Variants in TADA2A observed in about 807,000 individuals in gnomAD.
The protein encoded by TADA2A is transcriptional adapter 2-alpha.
Under a neutral mutation model 67.4 loss-of-function variants are expected in TADA2A, and 38 were observed. The ratio of observed to expected loss-of-function variants is 0.56; its 90% CI spans 0.44 to 0.74. The LOEUF (loss-of-function observed/expected upper bound fraction) is 0.74, where lower values mean the gene tolerates loss of function less well. Ranked by LOEUF, TADA2A falls within the 30% of genes least tolerant of loss-of-function variation. The pLI, the probability that TADA2A is intolerant of heterozygous loss-of-function variation, is 0.00. For synonymous variants in TADA2A, 192 were observed against 181.6 expected, an observed-to-expected ratio of 1.06 and a Z score of -0.46; for missense variants, 454 against 547.0, an observed-to-expected ratio of 0.83 and a Z score of 1.70.
chr17:37,422,737 G>T (rs1408392381), intron 2 of TADA2A, among the ~76,000 whole-genome samples: 2 of 151,914 alleles, frequency 1.3e-5, no homozygotes, highest in African/African-American at 4.8e-5. Flanking sequence ...TCTGGCCTCA[G>T]GTAATGCACC....
In TADA2A at chr17:37,446,087, G is replaced by GTT. The variant is rs1178704173; in HGVS notation, c.604+1327_604+1328dup. Among the ~76,000 whole-genome samples, 1,179 of 122,058 alleles carry GTT rather than the reference G, an allele frequency of 9.7e-3. 17 individuals carry two copies. The highest frequency in any genetic ancestry group is 0.033 in the African/African-American group (1,116 of 33,332). 80.1% of individuals were successfully genotyped at this position (122,058 alleles called of 152,430 possible). On this transcript the variant is annotated intron_variant, in intron 8 of 15. Coordinates refer to ENST00000615182, the MANE Select transcript of TADA2A (RefSeq NM_001166105.3). ...TCTCTACACATTTCTTGAGCGGTGG[G>GTT]TTTTTTTTTGGGGGGGTTTTTTTTT...
chr17:37,465,509 T>C lies in TADA2A; in HGVS notation c.791T>C (p.Val264Ala). 1 of 1,614,122 alleles carries C rather than the reference T, an allele frequency of 6.2e-7. No homozygotes were observed. The highest frequency in any genetic ancestry group is 1.1e-5 in the South Asian group (1 of 91,076). ...MRRFARIVGP[V>A]EHDKFIESHA... ...CGATTTGCAAGAATTGTGGGGCCAG[T>C]GGAACATGACAAATTCATTGAAAGC... The change falls in exon 11 of 16, where the codon GTG (valine) becomes GCG (alanine). Residue 264 changes from valine (V) to alanine (A), a missense_variant. By Grantham distance (64) the Val-to-Ala change is moderately conservative. This residue lies in a region of TADA2A where 403 missense variants were observed against 455.5 expected (regional missense o/e 0.88). Transcript: ENST00000615182.
chr17:37,459,743 C>T (rs937134694), intron 9 of TADA2A, among the ~76,000 whole-genome samples: 24 of 152,062 alleles, frequency 1.6e-4, no homozygotes, highest in Admixed American at 1.4e-3. Flanking sequence ...CAGGTGCGCA[C>T]CACCACACTT....
intron 1 of TADA2A, among the ~76,000 whole-genome samples, chr17:37,409,741 T>G (rs948162497): frequency 6.7e-6 from 1 of 148,422 alleles, no homozygotes; most frequent in Non-Finnish European, 1.5e-5. Context: ...CATTCCAGCC[T>G]AGGCAACGAG....
At chr17:37,411,919 A>T (rs2051886410) in intron 2 of TADA2A, among the ~76,000 whole-genome samples, 1 of 151,764 alleles carries the variant, frequency 6.6e-6, no homozygotes, top group Non-Finnish European at 1.5e-5. Flanking sequence ...GTCTTACAAG[A>T]AAATGAAGCA....
intron 15 of TADA2A, among the ~76,000 whole-genome samples, chr17:37,474,935 A>G (rs891396834): frequency 6.6e-6 from 1 of 152,210 alleles, no homozygotes; most frequent in Non-Finnish European, 1.5e-5. Context: ...TGAGTGCTTT[A>G]TGTAAATAAA....
chr17:37,467,996 C>T (rs772884838), intron 12 of TADA2A, among the ~76,000 whole-genome samples: 13 of 151,796 alleles, frequency 8.6e-5, no homozygotes, highest in African/African-American at 2.7e-4. Context: ...GCACAAGAAT[C>T]GCTTGAACCT....
At chr17:37,446,175 C>G (rs1208997423) in intron 8 of TADA2A, among the ~76,000 whole-genome samples, 1 of 148,222 alleles carries the variant, frequency 6.7e-6, no homozygotes, top group Non-Finnish European at 1.5e-5. Flanking sequence ...GTCAAAGTGA[C>G]GCAGATTGAA....
chr17:37,458,086 C>T (rs2053444784), intron 8 of TADA2A, among the ~76,000 whole-genome samples: 1 of 152,206 alleles, frequency 6.6e-6, no homozygotes, highest in Admixed American at 6.5e-5. Context: ...CCACCCTCCA[C>T]CCTCTGATAG....
intron 14 of TADA2A, among the ~76,000 whole-genome samples, chr17:37,473,105 G>A (rs60112577): frequency 0.2 from 29,405 of 147,098 alleles, 3,375 homozygotes; most frequent in East Asian, 0.54. Flanking sequence ...GACTACAGGT[G>A]AATGCCACCA....
At chr17:37,474,781 A>C in intron 15 of TADA2A, 152 bp downstream of exon 15, 1 of 847,360 alleles carries the variant, frequency 1.2e-6, no homozygotes, top group Non-Finnish European at 1.8e-6. Context: ...CCAAGAGCTA[A>C]AGAGCCGTTT....
chr17:37,458,638 TGTGTGTG>T, intron 9 of TADA2A, 51 bp downstream of exon 9: 3 of 199,294 alleles, frequency 1.5e-5, no homozygotes, highest in Non-Finnish European at 2.1e-5. Flanking sequence ...ATTATTGTTT[TGTGTGTG>T]TGTGTGTGTG....
chr17:37,411,516 G>A (rs765319159), intron 2 of TADA2A, 126 bp downstream of exon 2: 15 of 871,728 alleles, frequency 1.7e-5, no homozygotes, highest in Middle Eastern at 3.4e-4. Context: ...TCTGCCTCCC[G>A]GCTTTAAACG....
At chr17:37,440,480 C>G (rs752029629) in intron 5 of TADA2A, 25 bp from the exon 6 acceptor site, 2 of 1,611,600 alleles carry the variant, frequency 1.2e-6, no homozygotes, top group South Asian at 2.2e-5. Context: ...AGTACCACTT[C>G]TCTCTTTTTC....
intron 8 of TADA2A, 100 bp downstream of exon 8, chr17:37,444,868 C>A (rs569089019): frequency 2.5e-4 from 271 of 1,093,606 alleles, no homozygotes; most frequent in Non-Finnish European, 3.5e-4. Flanking sequence ...TGTCCCCTGC[C>A]CTTATAGAAT....
intron 8 of TADA2A, among the ~76,000 whole-genome samples, chr17:37,446,066 T>C (rs2053068463): frequency 6.6e-6 from 1 of 150,812 alleles, no homozygotes; most frequent in Admixed American, 6.6e-5. Context: ...AATTTTTCTC[T>C]ACACATTTCT....
At chr17:37,451,327 C>G (rs939457222) in intron 8 of TADA2A, among the ~76,000 whole-genome samples, 9 of 135,196 alleles carry the variant, frequency 6.7e-5, no homozygotes, top group Non-Finnish European at 1.1e-4. Context: ...TGTTTTTTGG[C>G]TTTTTTTTTT....
intron 8 of TADA2A, among the ~76,000 whole-genome samples, chr17:37,451,884 A>G (rs1261616396): frequency 4.0e-5 from 6 of 151,778 alleles, no homozygotes; most frequent in African/African-American, 1.5e-4. Flanking sequence ...CTTGGGAGGC[A>G]GGGGCAGGAG....
intron 8 of TADA2A, among the ~76,000 whole-genome samples, 181 bp downstream of exon 8, chr17:37,444,949 T>C (rs906682170): frequency 2.0e-5 from 3 of 152,160 alleles, no homozygotes; most frequent in African/African-American, 7.2e-5. Context: ...ATAAGACTTG[T>C]GATGAGGGTA....
Sources: allele counts gnomAD v4.1 joint callset (sites outside exome capture counted in the v4.1 genomes callset), GRCh38; gene constraint gnomAD v4.1.1; regional missense constraint gnomAD v4.1.1; transcripts MANE v1.5; gene names NCBI Gene and HGNC (gene_info 2026-07-23, HGNC 2026-07-21).